Variants in ZNF410 observed in about 807,000 individuals in gnomAD.
ZNF410 encodes the protein another partner for ARF 1.
Under a neutral mutation model 54.8 loss-of-function variants are expected in ZNF410, and 18 were observed. That is an observed-to-expected ratio of 0.33 (90% CI 0.23 to 0.49). The LOEUF (loss-of-function observed/expected upper bound fraction) is 0.49, where lower values mean the gene tolerates loss of function less well. ZNF410 is among the 20% of genes least tolerant of loss of function. The probability of loss-of-function intolerance (pLI) is 0.99; values close to 1 mark genes in which losing one functional copy is unlikely to be tolerated. For synonymous variants in ZNF410, 191 were observed against 207.3 expected, an observed-to-expected ratio of 0.92 and a Z score of 0.68; for missense variants, 405 against 569.6, an observed-to-expected ratio of 0.71 and a Z score of 2.94.
At chr14:73,914,829 T>C in intron 8 of ZNF410, 1 of 151,046 alleles carries the variant, frequency 6.6e-6, no homozygotes, top group Non-Finnish European at 1.5e-5. Context: ...TGTTTCAGCA[T>C]GTTGGCCAGG....
chr14:73,892,182 T>A lies in ZNF410; in HGVS notation c.7T>A (p.Ser3Thr). The A allele has an allele frequency of 6.2e-7, 1 of 1,613,980 alleles. No individual in the cohort carries two copies. Among genetic ancestry groups the A allele is most frequent in the Non-Finnish European group, 8.5e-7 (1 of 1,179,968 alleles). ...GGTTTTGGAAGCTGAATCAATGTTA[T>A]CAGATGAGTTAGAATCCAAACCAGA... is the stretch of plus-strand genomic sequence containing the variant. Reference protein sequence around the residue: MLSDELESKPELL... With the variant: MLTDELESKPELL... The change falls in exon 2 of 12, where the codon TCA (serine) becomes ACA (threonine). Residue 3 changes from serine (S) to threonine (T), a missense_variant. Around this residue, in one of 3 missense-constraint regions of ZNF410, gnomAD observed 247 missense variants for 342.8 expected, o/e 0.72. Coordinates refer to ENST00000555044, the MANE Select transcript of ZNF410 (RefSeq NM_021188.3).
At position 73,919,921 on chromosome 14, in the gene ZNF410, G is replaced by T. The variant is rs1226167207; in HGVS notation, c.1004-1059G>T. ...TTTTTTTTTTTTTTTTGCTATGCAG[G>T]ACTACTGCAGTATCTATAGCTTTTT... On this transcript the variant is annotated intron_variant, in intron 8 of 11. Transcript: ENST00000555044. Among the ~76,000 whole-genome samples the T allele has an allele frequency of 2.4e-5, 3 of 123,720 alleles. No individual in the cohort carries two copies. In the East Asian group the frequency reaches 6.9e-4, roughly 28 times the overall value. 81.2% of individuals were successfully genotyped at this position (123,720 alleles called of 152,430 possible).
intron 1 of ZNF410, among the ~76,000 whole-genome samples, chr14:73,891,464 C>T (rs1333604746): frequency 1.3e-5 from 2 of 152,144 alleles, no homozygotes; most frequent in East Asian, 1.9e-4. Context: ...AGGGATTCTC[C>T]TGCCTCAGTC....
In ZNF410 at chr14:73,904,123, G is replaced by A. The variant is rs753435028; in HGVS notation, c.731+13G>A. On this transcript the variant is annotated intron_variant, in intron 6 of 11. Coordinates refer to ENST00000555044, the MANE Select transcript of ZNF410 (RefSeq NM_021188.3). The stretch of plus-strand genomic sequence containing the variant: ...TCAAGACTCATCGGTGAGCAAATCC[G>A]AGATCTCATATTTGGATATACGTTG... 4.3e-5 allele frequency: 69 copies of A among 1,610,856 alleles called. No homozygotes were observed. The highest frequency in any genetic ancestry group is 5.3e-5 in the African/African-American group (4 of 74,804).
intron 8 of ZNF410, among the ~76,000 whole-genome samples, chr14:73,919,805 G>A (rs1165809608): frequency 6.7e-6 from 1 of 148,796 alleles, no homozygotes; most frequent in Non-Finnish European, 1.5e-5. Flanking sequence ...TAGATAGCCA[G>A]TAATGGGATT....
At chr14:73,907,782 A>G (rs111480651) in intron 7 of ZNF410, among the ~76,000 whole-genome samples, 23,334 of 152,002 alleles carry the variant, frequency 0.15, 2,353 homozygotes, top group East Asian at 0.49. Context: ...AATCCCAGCT[A>G]CTAGGGAGGC....
chr14:73,900,132 GCAGTGAGTGGAGA>G (rs2055383136), intron 5 of ZNF410, among the ~76,000 whole-genome samples: 1 of 151,228 alleles, frequency 6.6e-6, no homozygotes, highest in African/African-American at 2.4e-5. Flanking sequence ...GGTGGAGGTT[GCAGTGAGTGGAGA>G]TCGCACCACT....
chr14:73,918,463 G>A (rs2055702306), intron 8 of ZNF410, among the ~76,000 whole-genome samples: 1 of 151,746 alleles, frequency 6.6e-6, no homozygotes, highest in South Asian at 2.1e-4. Context: ...CAATGGATGT[G>A]GATGGCCAAC....
intron 1 of ZNF410, among the ~76,000 whole-genome samples, chr14:73,888,561 A>T (rs889983275): frequency 1.3e-5 from 2 of 152,086 alleles, no homozygotes; most frequent in Non-Finnish European, 2.9e-5. Context: ...TGCTTGTACA[A>T]CTCTGAATGA....
At chr14:73,893,763 T>C in intron 2 of ZNF410, 34 bp from the exon 3 acceptor site, 3 of 1,578,326 alleles carry the variant, frequency 1.9e-6, no homozygotes, top group Non-Finnish European at 2.6e-6. Flanking sequence ...TTCTAACAAC[T>C]CGTATTTCTC....
intron 11 of ZNF410, among the ~76,000 whole-genome samples, chr14:73,924,361 G>T (rs1041272509): frequency 6.6e-6 from 1 of 152,170 alleles, no homozygotes; most frequent in Admixed American, 6.6e-5. Flanking sequence ...CTGCTGTGTG[G>T]CCTGGTTCCT....
chr14:73,903,941 A>G lies in ZNF410; in HGVS notation c.581-19A>G. 1.9e-6 allele frequency: 3 copies of G among 1,613,946 alleles called. No individual in the cohort carries two copies. The highest frequency in any genetic ancestry group is 2.5e-6 in the Non-Finnish European group (3 of 1,179,946). ...AGTAGGGTCTTTCCCTGGATTACAA[A>G]TATGTGACTCTGTTACAGGAGAAAA... On this transcript the variant is annotated intron_variant, in intron 5 of 11. Coordinates refer to ENST00000555044, the MANE Select transcript of ZNF410 (RefSeq NM_021188.3).
In ZNF410 at chr14:73,909,398, C is replaced by G. The variant is rs1427788943; in HGVS notation, c.971C>G (p.Ser324Cys). ...QGCGRSFAEY[S>C]SLRKHLVVHS... The stretch of plus-strand genomic sequence containing the variant: ...TGTGGCCGTTCCTTTGCTGAGTATT[C>G]TAGCCTCCGAAAACATCTGGTGGTT... The change falls in exon 8 of 12, where the codon TCT (serine) becomes TGT (cysteine). Residue 324 changes from serine to cysteine, a missense_variant. Ser to Cys is a moderately radical substitution (Grantham distance 112). This residue lies in a region of ZNF410 where 31 missense variants were observed against 85.5 expected (regional missense o/e 0.36). Coordinates refer to ENST00000555044, the MANE Select transcript of ZNF410 (RefSeq NM_021188.3). 1 of 1,613,962 alleles carries G rather than the reference C, an allele frequency of 6.2e-7. No homozygotes were observed. The highest frequency in any genetic ancestry group is 8.5e-7 in the Non-Finnish European group (1 of 1,179,996).
intron 1 of ZNF410, among the ~76,000 whole-genome samples, chr14:73,891,434 A>G (rs151106646): frequency 0.016 from 2,425 of 152,008 alleles, 54 homozygotes; most frequent in African/African-American, 0.056. Flanking sequence ...GCTCACTGCA[A>G]CCTCCACCTC....
Position 73,905,025 on chromosome 14 carries a change from C to A in ZNF410, c.855C>A (p.Gly285=). 6.2e-7 allele frequency: 1 copy of A among 1,614,014 alleles called. No individual in the cohort carries two copies. Among genetic ancestry groups the A allele is most frequent in the Non-Finnish European group, 8.5e-7 (1 of 1,180,024 alleles). The change falls in exon 7 of 12, where the codon GGC becomes GGA. Residue 285 remains glycine (G), a synonymous_variant. Coordinates refer to ENST00000555044, the MANE Select transcript of ZNF410 (RefSeq NM_021188.3). ...GEKPFMCHES[G]CGKQFTTAGN... ...AGCCCTTTATGTGCCATGAGTCTGG[C>A]TGTGGTAAGCAGTTTACTACAGCTG...
At position 73,927,850 on chromosome 14, in the gene ZNF410, A is replaced by ATTTTT. The variant is rs769693607; in HGVS notation, c.1399-3651_1399-3647dup. The ATTTTT allele has an allele frequency of 1.1e-3, 153 of 135,262 alleles. 3 individuals carry two copies. The highest frequency in any genetic ancestry group is 7.7e-3 in the South Asian group (34 of 4,402). The allele number at this position is 135,262 out of a possible 1,614,324, so 8.4% of individuals were successfully genotyped here. Reference sequence around the variant, plus strand: ...ACCGGCAATTTTTTTTTTTTTTTTAATTTTTTAGACGGAGTCTCACTCTGT... The same window carrying ATTTTT: ...ACCGGCAATTTTTTTTTTTTTTTTAATTTTTTTTTTTAGACGGAGTCTCACTCTGT... On this transcript the variant is annotated intron_variant, in intron 11 of 11. Transcript: ENST00000555044.
chr14:73,894,562 G>T (rs2055283348), intron 3 of ZNF410, among the ~76,000 whole-genome samples: 1 of 151,996 alleles, frequency 6.6e-6, no homozygotes, highest in South Asian at 2.1e-4. Context: ...AAGTAGCTGG[G>T]ATTACAGGTG....
At chr14:73,916,444 G>A (rs1182691056) in intron 8 of ZNF410, 6 of 152,228 alleles carry the variant, frequency 3.9e-5, no homozygotes, top group African/African-American at 1.4e-4. Context: ...GCTTCCCAAA[G>A]TACTGGGATT....
chr14:73,901,135 T>G (rs1382138805), intron 5 of ZNF410, among the ~76,000 whole-genome samples: 1 of 152,202 alleles, frequency 6.6e-6, no homozygotes, highest in Non-Finnish European at 1.5e-5. Flanking sequence ...TTGCATAAGA[T>G]GTTGTATATC....
Sources: allele counts gnomAD v4.1 joint callset (sites outside exome capture counted in the v4.1 genomes callset), GRCh38; gene constraint gnomAD v4.1.1; regional missense constraint gnomAD v4.1.1; transcripts MANE v1.5; gene names NCBI Gene and HGNC (gene_info 2026-07-23, HGNC 2026-07-21).